PLOD3: variants seen among roughly 807,000 people sequenced by gnomAD.
PLOD3 encodes multifunctional procollagen lysine hydroxylase and glycosyltransferase LH3.
A neutral mutation model predicts 96.9 loss-of-function variants in PLOD3; 73 were observed. That is an observed-to-expected ratio of 0.75 (90% CI 0.62 to 0.92). The LOEUF (loss-of-function observed/expected upper bound fraction) is 0.92. PLOD3 is among the 40% of genes least tolerant of loss of function. The pLI is 0.00. For missense variants in PLOD3, 1,004 were observed against 1,004.3 expected, an observed-to-expected ratio of 1.00 and a Z score of 0.00; for synonymous variants, 454 against 413.7, an observed-to-expected ratio of 1.10 and a Z score of -1.18.
rs752004405 is a variant in PLOD3, at chr7:101,212,419, G to A, written c.1006-45C>T. ...GGGGATGGGCTCAGAGGGCAGGGAG[G>A]CGGCACCTGAGGGATGGGGGTGCAG... is the stretch of plus-strand genomic sequence containing the variant. On this transcript the variant is annotated intron_variant, in intron 9 of 18. Transcript: ENST00000223127. 4.4e-6 allele frequency: 7 copies of A among 1,605,642 alleles called. No individual in the cohort carries two copies. In the South Asian group the frequency reaches 7.7e-5, roughly 18 times the overall value.
Position 101,213,143 on chromosome 7 carries a change from C to G in PLOD3, c.741G>C (p.Thr247=), listed in dbSNP as rs1207090212. ...RVRIRNVAYD[T]LPIVVHGNGP... ...CGTTTCCATGGACCACAATGGGGAG[C>G]GTGTCGTAGGCCACGTTCCGGATAC... Residue 247 remains threonine (T), a synonymous_variant, in exon 7 of 19, where the codon ACG becomes ACC. Transcript: ENST00000223127. 1 of 1,613,428 alleles carries G rather than the reference C, an allele frequency of 6.2e-7. No homozygotes were observed. The highest frequency in any genetic ancestry group is 2.2e-5 in the East Asian group (1 of 44,882).
rs963327312 is a variant in PLOD3, at chr7:101,206,749, G to C, written c.2061+30C>G. On this transcript the variant is annotated intron_variant, in intron 18 of 18. Transcript: ENST00000223127. ...GGGGACCCGAGGGTCCTGAGGTGAA[G>C]CGTGGGTGGGTAGTGTGACTGGGGC... The C allele has an allele frequency of 1.9e-6, 3 of 1,571,288 alleles. No individual in the cohort carries two copies. In the African/African-American group the frequency reaches 4.1e-5, roughly 21 times the overall value.
rs753195591 is a variant in PLOD3 at position 101,217,253 on chromosome 7, G to T, written c.22C>A (p.Pro8Thr). 47 of 1,494,732 alleles carry T rather than the reference G, an allele frequency of 3.1e-5. No homozygotes were observed. The South Asian group carries it at 5.8e-4, about 19-fold the overall frequency. The allele number at this position is 1,494,732 out of a possible 1,614,324, so 92.6% of individuals were successfully genotyped here. Residue 8 changes from proline to threonine, a missense_variant, in exon 1 of 19, where the codon CCC becomes ACC. By Grantham distance (38) the Pro-to-Thr change is conservative. Transcript: ENST00000223127. MTSSGPGPRFLLLLPLLL... is the reference protein window; with the variant it reads MTSSGPGTRFLLLLPLLL... ...AGCGGCAGCAGCAGCAGGAACCGGG[G>T]TCCAGGCCCCGAGGAGGTCATGGTG...
In PLOD3 at chr7:101,212,567, T is replaced by C. The variant is rs775128872; in HGVS notation, c.968A>G (p.Tyr323Cys). The change falls in exon 9 of 19, where the codon TAT (tyrosine) becomes TGT (cysteine). Residue 323 changes from tyrosine (Y) to cysteine (C), a missense_variant. Transcript: ENST00000223127. ...RFLQRLLLLD[Y>C]PPDRVTLFLH... ...GAAAAGGGTGACCCTGTCGGGGGGATAGTCCAGGAGTAGCAGCCGCTGCAG... is the reference window on the plus strand; with the variant it reads ...GAAAAGGGTGACCCTGTCGGGGGGACAGTCCAGGAGTAGCAGCCGCTGCAG... 2 of 1,613,458 alleles carry C rather than the reference T, an allele frequency of 1.2e-6. No homozygotes were observed. The highest frequency in any genetic ancestry group is 1.7e-6 in the Non-Finnish European group (2 of 1,179,792).
chr7:101,205,993 G>A lies in PLOD3; in HGVS notation c.*288C>T, dbSNP rs543169356. ...CCAATGGACTCAAGACTTACAAACT[G>A]TCCTTTATTCAGAGTGAGACTGCGG... On this transcript the variant is annotated 3_prime_UTR_variant, in exon 19 of 19. Coordinates refer to ENST00000223127, the MANE Select transcript of PLOD3 (RefSeq NM_001084.5). 5 of 520,056 alleles carry A rather than the reference G, an allele frequency of 9.6e-6. No individual in the cohort carries two copies. In the South Asian group the frequency reaches 1.0e-4, roughly 11 times the overall value. 32.2% of individuals were successfully genotyped at this position (520,056 alleles called of 1,614,324 possible).
In PLOD3 at chr7:101,216,029, G is replaced by T. The variant is rs368123704; in HGVS notation, c.503-9C>A. 6.2e-7 allele frequency: 1 copy of T among 1,612,396 alleles called. No individual in the cohort carries two copies. Among genetic ancestry groups the T allele is most frequent in the African/African-American group, 1.3e-5 (1 of 74,872 alleles). ...GGCAAAACCGATGAATCCTGGCGGG[G>T]AGGGGGAGTGTTGACCTCGAGACTC... On this transcript the variant is annotated splice_polypyrimidine_tract_variant and intron_variant, in intron 4 of 18. Transcript: ENST00000223127.
At chr7:101,212,402 G>A (rs1037892336) in intron 9 of PLOD3, 28 bp from the exon 10 acceptor site, 2 of 1,611,108 alleles carry the variant, frequency 1.2e-6, no homozygotes, top group Non-Finnish European at 1.7e-6. Flanking sequence ...AGGGGGATGG[G>A]CTCAGAGGGC....
intron 9 of PLOD3, 77 bp from the exon 10 acceptor site, chr7:101,212,451 G>T: frequency 6.4e-7 from 1 of 1,571,600 alleles, no homozygotes; most frequent in Non-Finnish European, 8.7e-7. Flanking sequence ...GCAGGAAGGA[G>T]ATGGGGGTGG....
chr7:101,207,659 C>T lies in PLOD3; in HGVS notation c.1854G>A (p.Gly618=), dbSNP rs754260554. The part of the protein sequence containing the change: ...PTVDIHMKQV[G]YEDQWLQLLR... ...GCAGCTGCAGCCACTGGTCCTCGTA[C>T]CCCACCTGCTTCATGTGGATGTCCA... Residue 618 remains glycine, a synonymous_variant, in exon 17 of 19, where the codon GGG becomes GGA. Coordinates refer to ENST00000223127, the MANE Select transcript of PLOD3 (RefSeq NM_001084.5). The T allele has an allele frequency of 2.2e-5, 36 of 1,613,880 alleles. No individual in the cohort carries two copies. The highest frequency in any genetic ancestry group is 3.0e-5 in the Non-Finnish European group (35 of 1,179,864).
At position 101,216,165 on chromosome 7, in the gene PLOD3, C is replaced by T; in HGVS notation, c.500G>A (p.Gly167Asp). 1 of 1,614,122 alleles carries T rather than the reference C, an allele frequency of 6.2e-7. No individual in the cohort carries two copies. The highest frequency in any genetic ancestry group is 8.5e-7 in the Non-Finnish European group (1 of 1,180,026). Residue 167 changes from glycine to aspartate, a missense_variant and splice_region_variant, in exon 4 of 19, where the codon GGT (glycine) becomes GAT (aspartate). By Grantham distance (94) the Gly-to-Asp change is moderately conservative (BLOSUM62 -1). Coordinates refer to ENST00000223127, the MANE Select transcript of PLOD3 (RefSeq NM_001084.5). The stretch of plus-strand genomic sequence containing the variant: ...GCCTTGGGCACTCTGCCACTCACCA[C>T]CAGAATTGAGGAAGCGCTTCCCCGT... ...VGTGKRFLNSGGFIGFATTIH... is the reference protein window; with the variant it reads ...VGTGKRFLNSDGFIGFATTIH...
Position 101,212,631 on chromosome 7 carries a change from C to T in PLOD3, c.904G>A (p.Val302Met), listed in dbSNP as rs181326069. The T allele has an allele frequency of 2.5e-5, 40 of 1,613,780 alleles. No individual in the cohort carries two copies. The highest frequency in any genetic ancestry group is 1.7e-4 in the Middle Eastern group (1 of 6,018). The change falls in exon 9 of 19, where the codon GTG becomes ATG. Residue 302 changes from valine to methionine, a missense_variant. By Grantham distance (21) the Val-to-Met change is conservative. Transcript: ENST00000223127. ...AACGGAGTAGGCTGTTCCACAAACA[C>T]GGCCAGAAACACCCGGGGGGGAGGC... ...GQPPPRVFLA[V>M]FVEQPTPFLP...
rs1353508818 is a variant in PLOD3 at position 101,211,834 on chromosome 7, G to C, written c.1232+12C>G. The C allele has an allele frequency of 8.1e-6, 13 of 1,606,150 alleles. No individual in the cohort carries two copies. The highest frequency in any genetic ancestry group is 1.0e-5 in the Non-Finnish European group (12 of 1,174,750). Reference sequence around the variant, plus strand: ...GGGTGCCCTCCGGCTGCGGGGAGAGGGGGTAAGCCACCTGTTCTCCTCAAT... The same window carrying C: ...GGGTGCCCTCCGGCTGCGGGGAGAGCGGGTAAGCCACCTGTTCTCCTCAAT... On this transcript the variant is annotated intron_variant, in intron 11 of 18. Transcript: ENST00000223127.
At chr7:101,215,878 G>C in intron 5 of PLOD3, 30 bp downstream of exon 5, 3 of 1,448,788 alleles carry the variant, frequency 2.1e-6, no homozygotes, top group South Asian at 1.1e-5. Context: ...ACAGAGCTGC[G>C]GGATGCGCCC....
chr7:101,211,777 C>A, intron 11 of PLOD3, 61 bp from the exon 12 acceptor site: 1 of 1,590,668 alleles, frequency 6.3e-7, no homozygotes. Context: ...GCCCGGTGCC[C>A]AGGGCAGGAG....
At position 101,216,646 on chromosome 7, in the gene PLOD3, C is replaced by T. The variant is rs760372839; in HGVS notation, c.201+49G>A. On this transcript the variant is annotated intron_variant, in intron 2 of 18. Transcript: ENST00000223127. ...GGGACCTGGGCATCCAGACTTCAGC[C>T]CACCCCTCCTGCTGGGACCCCCTCC... 24 of 1,606,572 alleles carry T rather than the reference C, an allele frequency of 1.5e-5. No individual in the cohort carries two copies. In the Middle Eastern group the frequency reaches 2.7e-3, roughly 178 times the overall value.
rs1343363949 is a variant in PLOD3, at chr7:101,217,155, C to T, written c.109+11G>A. On this transcript the variant is annotated intron_variant, in intron 1 of 18. Transcript: ENST00000223127. ...CCCCCTCGGCCGTGCCGGGCCTCCC[C>T]GGGATCTCACCTGGGTTGACCGGGT... The T allele has an allele frequency of 3.4e-6, 5 of 1,462,432 alleles. No individual in the cohort carries two copies. The South Asian group carries it at 4.1e-5, about 12-fold the overall frequency. The allele number at this position is 1,462,432 out of a possible 1,614,324, so 90.6% of individuals were successfully genotyped here.
At chr7:101,215,271 T>C in intron 5 of PLOD3, 119 bp from the exon 6 acceptor site, 1 of 806,150 alleles carries the variant, frequency 1.2e-6, no homozygotes, top group Non-Finnish European at 2.2e-6. Flanking sequence ...TGGAGTGCAA[T>C]GGCACGATCT....
Position 101,211,628 on chromosome 7 carries a change from A to C in PLOD3, c.1321T>G (p.Ser441Ala). ...TGCACCAGCTCCACGTAGTCCTCGG[A>C]GCGGGCGTAGTACTCATCGGGGCTC... is the stretch of plus-strand genomic sequence containing the variant. ...ALSPDEYYAR[S>A]EDYVELVQRK... is the part of the protein sequence containing the mutation. Residue 441 changes from serine (S) to alanine (A), a missense_variant, in exon 12 of 19, where the codon TCC (serine) becomes GCC (alanine). Around this residue, in one of 5 missense-constraint regions of PLOD3, gnomAD observed 690 missense variants for 650.2 expected, o/e 1.06. Coordinates refer to ENST00000223127, the MANE Select transcript of PLOD3 (RefSeq NM_001084.5). 5 of 1,606,228 alleles carry C rather than the reference A, an allele frequency of 3.1e-6. No individual in the cohort carries two copies. The highest frequency in any genetic ancestry group is 4.2e-6 in the Non-Finnish European group (5 of 1,177,186).
intron 6 of PLOD3, among the ~76,000 whole-genome samples, chr7:101,214,443 C>G (rs575161005): frequency 6.6e-6 from 1 of 152,208 alleles, no homozygotes; most frequent in East Asian, 1.9e-4. Context: ...TCTCTCTCCC[C>G]GTTCTCCCCA....
Sources: gnomAD v4.1 joint callset for allele counts (sites outside exome capture counted in the v4.1 genomes callset) on GRCh38, gnomAD v4.1.1 for gene constraint, gnomAD v4.1.1 regional missense constraint, MANE v1.5 for transcripts, NCBI Gene and HGNC (gene_info 2026-07-23, HGNC 2026-07-21) for gene names.